Variants in HLA-DOA observed in about 807,000 individuals in gnomAD.
HLA-DOA encodes the protein major histocompatibility complex, class II, DO alpha.
Under a neutral mutation model 22.9 loss-of-function variants are expected in HLA-DOA, and 27 were observed. The observed-to-expected ratio is 1.18, with a 90% CI of 0.87 to 1.62. The LOEUF is 1.62. HLA-DOA is among the 40% of genes most tolerant of loss of function. The pLI, the probability that HLA-DOA is intolerant of heterozygous loss-of-function variation, is 0.00. For missense variants in HLA-DOA, 324 were observed against 332.4 expected (o/e 0.97, Z 0.20); for synonymous variants, 137 against 138.6 (o/e 0.99, Z 0.08).
rs928386699 is a variant in HLA-DOA, at chr6:33,006,515, T to C, written c.*323A>G. The C allele has an allele frequency of 5.5e-6, 3 of 542,384 alleles. No homozygotes were observed. Among genetic ancestry groups the C allele is most frequent in the Non-Finnish European group, 9.9e-6 (3 of 302,334 alleles). The allele number at this position is 542,384 out of a possible 1,614,324, so 33.6% of individuals were successfully genotyped here. ...ATGGCTGCCAATCCCCAGCACCACA[T>C]GCCTCACCCCTGGAAGAACTGGCCA... On this transcript the variant is annotated 3_prime_UTR_variant, in exon 5 of 5. Coordinates refer to ENST00000229829, the MANE Select transcript of HLA-DOA (RefSeq NM_002119.4).
Position 33,006,686 on chromosome 6 carries a change from C to G in HLA-DOA, c.*152G>C. 1 of 1,238,106 alleles carries G rather than the reference C, an allele frequency of 8.1e-7. No homozygotes were observed. Among genetic ancestry groups the G allele is most frequent in the Non-Finnish European group, 1.2e-6 (1 of 846,180 alleles). 76.7% of individuals were successfully genotyped at this position (1,238,106 alleles called of 1,614,324 possible). A position where few individuals can be genotyped will look rare whatever the true frequency, so the allele number is the denominator to read the frequency against. On this transcript the variant is annotated 3_prime_UTR_variant, in exon 5 of 5. Transcript: ENST00000229829. The stretch of plus-strand genomic sequence containing the variant: ...CAAACCCTGCCATGAATACTGGGGC[C>G]AAAAAAGAGGGGACCCGTAGGACAG...
rs750495387 is a variant in HLA-DOA, at chr6:33,006,346, G to A, written c.*492C>T. ...AGAACTGTTGTTAGCTGAGGGGGTC[G>A]TGAGGAACAGGATAATCTGCATCCC... On this transcript the variant is annotated 3_prime_UTR_variant, in exon 5 of 5. Coordinates refer to ENST00000229829, the MANE Select transcript of HLA-DOA (RefSeq NM_002119.4). 7 of 210,244 alleles carry A rather than the reference G, an allele frequency of 3.3e-5. No homozygotes were observed. Among genetic ancestry groups the A allele is most frequent in the South Asian group, 1.9e-4 (2 of 10,570 alleles). The allele number at this position is 210,244 out of a possible 1,614,324, so 13.0% of individuals were successfully genotyped here. A position where few individuals can be genotyped will look rare whatever the true frequency, so the allele number is the denominator to read the frequency against.
Position 33,008,032 on chromosome 6 carries a change from G to T in HLA-DOA, c.312C>A (p.Asn104Lys). 1.9e-6 allele frequency: 3 copies of T among 1,612,834 alleles called. No homozygotes were observed. The highest frequency in any genetic ancestry group is 2.5e-6 in the Non-Finnish European group (3 of 1,179,942). Residue 104 changes from asparagine (N) to lysine (K), a missense_variant, in exon 2 of 5, where the codon AAC becomes AAA. By Grantham distance (94) the Asn-to-Lys change is moderately conservative (BLOSUM62 0). Transcript: ENST00000229829. ...AHLDILVERS[N>K]RSRAINVPPR... is the part of the protein sequence containing the mutation. ...CGGTACCGTTGATGGCTCTGCTGCG[G>T]TTGGAGCGCTCCACCAGGATGTCCA...
At position 33,006,050 on chromosome 6, in the gene HLA-DOA, G is replaced by C. The variant is rs1181352304; in HGVS notation, c.*788C>G. 1 of 152,006 alleles carries C rather than the reference G, an allele frequency of 6.6e-6. No homozygotes were observed. The highest frequency in any genetic ancestry group is 1.5e-5 in the Non-Finnish European group (1 of 68,016). 9.4% of individuals were successfully genotyped at this position (152,006 alleles called of 1,614,324 possible). A position where few individuals can be genotyped will look rare whatever the true frequency, so the allele number is the denominator to read the frequency against. On this transcript the variant is annotated 3_prime_UTR_variant, in exon 5 of 5. Transcript: ENST00000229829. Reference sequence around the variant, plus strand: ...AGAAAAGTAGACCAAAATCTTCTAGGCCACATATTTAGAGTGTGTCTAGGT... The same window carrying C: ...AGAAAAGTAGACCAAAATCTTCTAGCCCACATATTTAGAGTGTGTCTAGGT...
intron 2 of HLA-DOA, 138 bp from the exon 3 acceptor site, chr6:33,007,730 G>T: frequency 9.9e-7 from 1 of 1,012,110 alleles, no homozygotes; most frequent in Non-Finnish European, 1.4e-6. Context: ...GGCAGGAGAG[G>T]AGGAAAACAG....
chr6:33,006,993 C>T, intron 4 of HLA-DOA, 87 bp downstream of exon 4: 1 of 1,527,478 alleles, frequency 6.5e-7, no homozygotes, highest in Non-Finnish European at 9.0e-7. Flanking sequence ...TCTTTCCCCA[C>T]AACAGAATCT....
rs112304737 is a variant in HLA-DOA at position 33,008,354 on chromosome 6, C to G, written c.83-93G>C. 3.3e-6 allele frequency: 5 copies of G among 1,534,524 alleles called. No homozygotes were observed. In the African/African-American group the frequency reaches 6.9e-5, roughly 21 times the overall value. On this transcript the variant is annotated intron_variant, in intron 1 of 4. Transcript: ENST00000229829. ...TTGTTGAGTCCCTGAGCCTGGGCCC[C>G]GTCCTGGGTTCTGTGTGGGGACAGA... is the stretch of plus-strand genomic sequence containing the variant.
At position 33,006,291 on chromosome 6, in the gene HLA-DOA, C is replaced by A; in HGVS notation, c.*547G>T. On this transcript the variant is annotated 3_prime_UTR_variant, in exon 5 of 5. Coordinates refer to ENST00000229829, the MANE Select transcript of HLA-DOA (RefSeq NM_002119.4). Reference sequence around the variant, plus strand: ...GTAAACCCAGGCAGGAGTGGAGTCCCCATGAGCCTGTCCTGTCCCAGCACC... The same window carrying A: ...GTAAACCCAGGCAGGAGTGGAGTCCACATGAGCCTGTCCTGTCCCAGCACC... 1 of 167,574 alleles carries A rather than the reference C, an allele frequency of 6.0e-6. No individual in the cohort carries two copies. 10.4% of individuals were successfully genotyped at this position (167,574 alleles called of 1,614,324 possible).
Position 33,009,572 on chromosome 6 carries a change from C to T in HLA-DOA, c.-36G>A, listed in dbSNP as rs1355782439. The T allele has an allele frequency of 6.6e-7, 1 of 1,507,470 alleles. No individual in the cohort carries two copies. Among genetic ancestry groups the T allele is most frequent in the Non-Finnish European group, 9.0e-7 (1 of 1,112,210 alleles). 93.4% of individuals were successfully genotyped at this position (1,507,470 alleles called of 1,614,324 possible). A position where few individuals can be genotyped will look rare whatever the true frequency, so the allele number is the denominator to read the frequency against. ...TGCTTTAATCAAATCAGTCTCAGTC[C>T]GTGTGGTGAGGACAGGAACAAGGCG... On this transcript the variant is annotated 5_prime_UTR_variant, in exon 1 of 5. Coordinates refer to ENST00000229829, the MANE Select transcript of HLA-DOA (RefSeq NM_002119.4). The surrounding 1 kb of genome is among the most constrained non-coding windows in gnomAD (Gnocchi z 4.8).
intron 2 of HLA-DOA, 175 bp from the exon 3 acceptor site, chr6:33,007,767 G>A: frequency 1.2e-6 from 1 of 843,684 alleles, no homozygotes; most frequent in Admixed American, 2.9e-5. Flanking sequence ...GGAGGGAGTG[G>A]GGACGCCAGG....
intron 2 of HLA-DOA, 199 bp downstream of exon 2, chr6:33,007,814 G>T: frequency 1.2e-6 from 1 of 848,766 alleles, no homozygotes; most frequent in Non-Finnish European, 1.8e-6. Context: ...GCGGGAGTCC[G>T]GGTGAGAGGT....
At position 33,007,554 on chromosome 6, in the gene HLA-DOA, C is replaced by T; in HGVS notation, c.370G>A (p.Glu124Lys). ...ATGAGGATGTTGGGCTGGCCCAGCT[C>T]CACCCGAGACTTGGGGAGCACGGTC... ...RVTVLPKSRV[E>K]LGQPNILICI... is the part of the protein sequence containing the mutation. Residue 124 changes from glutamate to lysine, a missense_variant, in exon 3 of 5, where the codon GAG becomes AAG. By Grantham distance (56) the Glu-to-Lys change is moderately conservative (BLOSUM62 1). Coordinates refer to ENST00000229829, the MANE Select transcript of HLA-DOA (RefSeq NM_002119.4). The T allele has an allele frequency of 1.2e-6, 2 of 1,612,836 alleles. No homozygotes were observed. Among genetic ancestry groups the T allele is most frequent in the Non-Finnish European group, 1.7e-6 (2 of 1,179,914 alleles).
Position 33,009,354 on chromosome 6 carries a change from C to A in HLA-DOA, c.82+101G>T. ...TTGGTGAAGGAAGTTGCCCATAAAC[C>A]AGAGAGCGAGAGGAACAAGCATCCT... is the stretch of plus-strand genomic sequence containing the variant. On this transcript the variant is annotated intron_variant, in intron 1 of 4. Transcript: ENST00000229829. The surrounding 1 kb of genome is among the most constrained non-coding windows in gnomAD (Gnocchi z 4.8). 1 of 762,236 alleles carries A rather than the reference C, an allele frequency of 1.3e-6. No individual in the cohort carries two copies. 47.2% of individuals were successfully genotyped at this position (762,236 alleles called of 1,614,324 possible).
chr6:33,009,209 G>A lies in HLA-DOA; in HGVS notation c.82+246C>T, dbSNP rs906048924. ...GGTTTGGGTCTCAGGAAGGAGGAAGGAATGAGGAGAAATCTGAACGTCAGC... is the reference window on the plus strand; with the variant it reads ...GGTTTGGGTCTCAGGAAGGAGGAAGAAATGAGGAGAAATCTGAACGTCAGC... On this transcript the variant is annotated intron_variant, in intron 1 of 4. Transcript: ENST00000229829. This position sits in a 1 kb window ranked among gnomAD's most constrained non-coding sequence, Gnocchi z 4.8. Among the ~76,000 whole-genome samples, 1 of 152,112 alleles carries A rather than the reference G, an allele frequency of 6.6e-6. No individual in the cohort carries two copies. The highest frequency in any genetic ancestry group is 6.5e-5 in the Admixed American group (1 of 15,270).
rs146954274 is a variant in HLA-DOA, at chr6:33,006,022, C to A, written c.*816G>T. On this transcript the variant is annotated 3_prime_UTR_variant, in exon 5 of 5. Transcript: ENST00000229829. The stretch of plus-strand genomic sequence containing the variant: ...CTCTTTGTATGTTTTAAATTCTGTT[C>A]ACAGAAAAGTAGACCAAAATCTTCT... 5 of 152,270 alleles carry A rather than the reference C, an allele frequency of 3.3e-5. No individual in the cohort carries two copies. The highest frequency in any genetic ancestry group is 1.2e-4 in the African/African-American group (5 of 41,528). 9.4% of individuals were successfully genotyped at this position (152,270 alleles called of 1,614,324 possible).
In HLA-DOA at chr6:33,006,800, A is replaced by G; in HGVS notation, c.*38T>C. ...CTGTCACAAACCCATGAGGATCTGC[A>G]GGGTGTCTCCCACAAGTCATTTCTC... On this transcript the variant is annotated 3_prime_UTR_variant, in exon 5 of 5. Coordinates refer to ENST00000229829, the MANE Select transcript of HLA-DOA (RefSeq NM_002119.4). 6.2e-7 allele frequency: 1 copy of G among 1,613,006 alleles called. No homozygotes were observed. Among genetic ancestry groups the G allele is most frequent in the Non-Finnish European group, 8.5e-7 (1 of 1,179,972 alleles).
Position 33,008,474 on chromosome 6 carries a change from G to C in HLA-DOA, c.83-213C>G, listed in dbSNP as rs185867039. 43 of 1,310,634 alleles carry C rather than the reference G, an allele frequency of 3.3e-5. No individual in the cohort carries two copies. The Admixed American group carries it at 7.6e-4, about 23-fold the overall frequency. The allele number at this position is 1,310,634 out of a possible 1,614,324, so 81.2% of individuals were successfully genotyped here. A position where few individuals can be genotyped will look rare whatever the true frequency, so the allele number is the denominator to read the frequency against. On this transcript the variant is annotated intron_variant, in intron 1 of 4. Coordinates refer to ENST00000229829, the MANE Select transcript of HLA-DOA (RefSeq NM_002119.4). ...CCCAGCACACTGCAGTCGGCACAGA[G>C]ACAGTGCAGTCTGGCATATCAGGAT...
rs761940357 is a variant in HLA-DOA, at chr6:33,006,803, G to T, written c.*35C>A. On this transcript the variant is annotated 3_prime_UTR_variant, in exon 5 of 5. Transcript: ENST00000229829. ...TCACAAACCCATGAGGATCTGCAGG[G>T]TGTCTCCCACAAGTCATTTCTCTCA... 3.7e-6 allele frequency: 6 copies of T among 1,612,920 alleles called. No individual in the cohort carries two copies. The highest frequency in any genetic ancestry group is 1.3e-5 in the African/African-American group (1 of 75,022).
chr6:33,005,504 T>C lies in HLA-DOA; in HGVS notation c.*1334A>G, dbSNP rs416622. ...AGACCCCATCTCAGAAAAGACAGCC[T>C]CCCTGTTGCTGCCCCCTGCACTCCC... On this transcript the variant is annotated 3_prime_UTR_variant, in exon 5 of 5. Transcript: ENST00000229829. 0.47 allele frequency: 72,012 copies of C among 151,628 alleles called. 17,559 individuals are homozygous for C. Among genetic ancestry groups the C allele is most frequent in the East Asian group, 0.62 (3,180 of 5,110 alleles). 9.4% of individuals were successfully genotyped at this position (151,628 alleles called of 1,614,324 possible). A position where few individuals can be genotyped will look rare whatever the true frequency, so the allele number is the denominator to read the frequency against.
Sources: allele counts gnomAD v4.1 joint callset (sites outside exome capture counted in the v4.1 genomes callset), GRCh38; gene constraint gnomAD v4.1.1; non-coding constraint Gnocchi (gnomAD v3.1); transcripts MANE v1.5; gene names NCBI Gene and HGNC (gene_info 2026-07-23, HGNC 2026-07-21).